The following CLYBL variants were observed in gnomAD, a reference collection of about 807,000 sequenced individuals.
CLYBL encodes the protein citramalyl-CoA lyase, mitochondrial.
A neutral mutation model predicts 38.9 loss-of-function variants in CLYBL; 31 were observed. The ratio of observed to expected loss-of-function variants is 0.80; its 90% CI spans 0.60 to 1.08. The LOEUF (loss-of-function observed/expected upper bound fraction) is 1.08. Among genes scored for constraint, CLYBL ranks in the 50% least tolerant of loss-of-function variants. The probability of loss-of-function intolerance (pLI) is 0.00; values close to 1 mark genes in which losing one functional copy is unlikely to be tolerated. For synonymous variants in CLYBL, 171 were observed against 158.6 expected (o/e 1.08, Z -0.59); for missense variants, 434 against 411.6 (o/e 1.05, Z -0.47).
rs199505505 is a variant in CLYBL, at chr13:99,819,460, ATATAT to A, written c.250-39400_250-39396del. On this transcript the variant is annotated intron_variant, in intron 2 of 8. Coordinates refer to ENST00000339105, the MANE Select transcript of CLYBL (RefSeq NM_206808.5). ...TATATATATATATATATATATATAT[ATATAT>A]ATAATATTTGTCAGGGTTGTCTGGG... Among the ~76,000 whole-genome samples, 141 of 39,536 alleles carry A rather than the reference ATATAT, an allele frequency of 3.6e-3. 4 individuals carry two copies. Among genetic ancestry groups the A allele is most frequent in the East Asian group, 0.011 (14 of 1,250 alleles). 25.9% of individuals were successfully genotyped at this position (39,536 alleles called of 152,430 possible).
chr13:99,732,994 TTGTA>T, intron 1 of CLYBL, among the ~76,000 whole-genome samples: 1 of 152,214 alleles, frequency 6.6e-6, no homozygotes, highest in East Asian at 1.9e-4. Context: ...GAAAGGGAAT[TTGTA>T]TGAAGCTAAT....
intron 2 of CLYBL, among the ~76,000 whole-genome samples, chr13:99,803,423 C>G (rs556043104): frequency 2.4e-4 from 37 of 152,344 alleles, no homozygotes; most frequent in African/African-American, 7.7e-4. Flanking sequence ...ACATAAATGT[C>G]GTTAGTGTTT....
chr13:99,778,546 A>T (rs1315972323), intron 2 of CLYBL, among the ~76,000 whole-genome samples: 1 of 152,196 alleles, frequency 6.6e-6, no homozygotes, highest in Non-Finnish European at 1.5e-5. Context: ...TTATAAGTAT[A>T]TAATACCTTC....
At position 99,702,956 on chromosome 13, in the gene CLYBL, A is replaced by C. The variant is rs116015510; in HGVS notation, c.63-69868A>C. On this transcript the variant is annotated intron_variant, in intron 1 of 8. Transcript: ENST00000339105. ...GTGAGAGGAATACTTTCCACCATGAACTCTTTGGTACCTTTCGGAACCACG... is the reference window on the plus strand; with the variant it reads ...GTGAGAGGAATACTTTCCACCATGACCTCTTTGGTACCTTTCGGAACCACG... Among the ~76,000 whole-genome samples the C allele has an allele frequency of 4.3e-3, 657 of 152,206 alleles. 3 individuals carry two copies. The highest frequency in any genetic ancestry group is 0.015 in the African/African-American group (621 of 41,528).
intron 1 of CLYBL, among the ~76,000 whole-genome samples, chr13:99,639,678 A>AGG (rs2047067553): frequency 6.6e-6 from 1 of 152,198 alleles, no homozygotes; most frequent in Admixed American, 6.5e-5. Flanking sequence ...GGATTGCTTG[A>AGG]GGCCAGGAGT....
chr13:99,864,467 TG>T (rs1566359048), intron 4 of CLYBL, among the ~76,000 whole-genome samples: 1 of 152,198 alleles, frequency 6.6e-6, no homozygotes, highest in Non-Finnish European at 1.5e-5. Context: ...TTCTCCCCTG[TG>T]GTTTTACGAG....
intron 9 of CLYBL, among the ~76,000 whole-genome samples, chr13:99,906,896 G>A (rs76344056): frequency 0.016 from 2,475 of 152,276 alleles, 33 homozygotes; most frequent in Non-Finnish European, 0.026. Flanking sequence ...ACTTGGCTTC[G>A]TGCATCTGCA....
At chr13:99,683,071 A>ATT (rs1223329341) in intron 1 of CLYBL, among the ~76,000 whole-genome samples, 2 of 147,738 alleles carry the variant, frequency 1.4e-5, no homozygotes, top group African/African-American at 5.0e-5. Flanking sequence ...ATATATATAT[A>ATT]TATGTTTTGT....
At chr13:99,730,675 G>A (rs889803693) in intron 1 of CLYBL, among the ~76,000 whole-genome samples, 2 of 152,120 alleles carry the variant, frequency 1.3e-5, no homozygotes, top group African/African-American at 4.8e-5. Flanking sequence ...AGGGGACCAC[G>A]CCTGGAGTCT....
rs73559321 is a variant in CLYBL at position 99,849,971 on chromosome 13, T to C, written c.250-8890T>C. On this transcript the variant is annotated intron_variant, in intron 2 of 8. Coordinates refer to ENST00000339105, the MANE Select transcript of CLYBL (RefSeq NM_206808.5). This position sits in a 1 kb window ranked among gnomAD's most constrained non-coding sequence, Gnocchi z 4.9. ...AACAAAAATATCACGATCCCCCCAA[T>C]CCACACCATATACAAATATATATAC... is the stretch of plus-strand genomic sequence containing the variant. Among the ~76,000 whole-genome samples, 1,752 of 152,204 alleles carry C rather than the reference T, an allele frequency of 0.012. 24 individuals are homozygous for C. The highest frequency in any genetic ancestry group is 0.044 in the Middle Eastern group (13 of 294).
At chr13:99,633,210 C>CAAAAA (rs59801603) in intron 1 of CLYBL, among the ~76,000 whole-genome samples, 49 of 62,688 alleles carry the variant, frequency 7.8e-4, no homozygotes, top group Non-Finnish European at 1.1e-3. Context: ...GATCCTGTCT[C>CAAAAA]AAAAAAAAAA....
chr13:99,830,691 T>C (rs915194431), intron 2 of CLYBL, among the ~76,000 whole-genome samples: 3 of 152,126 alleles, frequency 2.0e-5, no homozygotes, highest in Non-Finnish European at 1.5e-5. Flanking sequence ...TCTTAAGGGA[T>C]GTAGAGAGGA....
At position 99,672,763 on chromosome 13, in the gene CLYBL, C is replaced by T. The variant is rs140267115; in HGVS notation, c.62+66006C>T. 2.7e-3 allele frequency among the ~76,000 whole-genome samples: 417 copies of T among 152,268 alleles called. 17 individuals carry two copies. In the East Asian group the frequency reaches 0.073, roughly 27 times the overall value. On this transcript the variant is annotated intron_variant, in intron 1 of 8. Transcript: ENST00000339105. ...CCAGCCTGGGCAACAGAGCAAGACC[C>T]TGTCTCAAAAAATATATATTAAACA... is the stretch of plus-strand genomic sequence containing the variant.
intron 2 of CLYBL, among the ~76,000 whole-genome samples, chr13:99,809,063 G>A (rs1217773365): frequency 6.6e-6 from 1 of 152,118 alleles, no homozygotes; most frequent in Admixed American, 6.5e-5. Context: ...AATTTACCCT[G>A]GTACTATATG....
At chr13:99,718,715 T>C (rs1257875352) in intron 1 of CLYBL, among the ~76,000 whole-genome samples, 1 of 152,228 alleles carries the variant, frequency 6.6e-6, no homozygotes, top group Non-Finnish European at 1.5e-5. Flanking sequence ...ATTTGAGAAA[T>C]ATTTTTCTGA....
intron 1 of CLYBL, among the ~76,000 whole-genome samples, chr13:99,702,403 G>C (rs935936142): frequency 6.6e-6 from 1 of 152,104 alleles, no homozygotes; most frequent in Non-Finnish European, 1.5e-5. Context: ...GGCCAAGGCG[G>C]GTGGATCACG....
intron 1 of CLYBL, among the ~76,000 whole-genome samples, chr13:99,656,042 G>T (rs1197602560): frequency 2.0e-5 from 3 of 152,164 alleles, no homozygotes; most frequent in Non-Finnish European, 4.4e-5. Flanking sequence ...CTCGCGGGGA[G>T]ACCTGTGAGG....
intron 1 of CLYBL, among the ~76,000 whole-genome samples, chr13:99,743,016 T>C (rs79125541): frequency 0.015 from 2,329 of 152,184 alleles, 30 homozygotes; most frequent in South Asian, 0.036. Flanking sequence ...AGCGGGCTTT[T>C]TGTTTGGGTT....
chr13:99,703,308 TG>T (rs1158943542), intron 1 of CLYBL, among the ~76,000 whole-genome samples: 4 of 152,228 alleles, frequency 2.6e-5, no homozygotes, highest in African/African-American at 4.8e-5. Context: ...ATCAGGTTTT[TG>T]TTTTCTTCCC....
Sources: gnomAD v4.1 joint callset for allele counts (sites outside exome capture counted in the v4.1 genomes callset) on GRCh38, gnomAD v4.1.1 for gene constraint, Gnocchi (gnomAD v3.1) non-coding constraint, MANE v1.5 for transcripts, NCBI Gene and HGNC (gene_info 2026-07-23, HGNC 2026-07-21) for gene names.